The following RCC2 variants were observed in gnomAD, a reference collection of about 807,000 sequenced individuals.
The protein encoded by RCC2 is protein RCC2.
Under a neutral mutation model 64.1 loss-of-function variants are expected in RCC2, and 19 were observed. The ratio of observed to expected loss-of-function variants is 0.30; its 90% CI spans 0.21 to 0.44. The LOEUF (loss-of-function observed/expected upper bound fraction) is 0.44, where lower values mean the gene tolerates loss of function less well. Among genes scored for constraint, RCC2 ranks in the 20% least tolerant of loss-of-function variants. RCC2 has a pLI of 1.00. For missense variants in RCC2, 508 were observed against 710.4 expected (o/e 0.72, Z 3.24); for synonymous variants, 325 against 279.6 (o/e 1.16, Z -1.62).
At position 17,431,357 on chromosome 1, in the gene RCC2, A is replaced by AT. The variant is rs1217494718; in HGVS notation, c.286-2159_286-2158insA. The stretch of plus-strand genomic sequence containing the variant: ...TCAAAAAAAAAAAAAAAAAAAAAAA[A>AT]AAATATATATATATATATATATATG... On this transcript the variant is annotated intron_variant, in intron 2 of 12. Coordinates refer to ENST00000375436, the MANE Select transcript of RCC2 (RefSeq NM_018715.4). 6.2e-3 allele frequency among the ~76,000 whole-genome samples: 251 copies of AT among 40,442 alleles called. 25 individuals are homozygous for AT. Among genetic ancestry groups the AT allele is most frequent in the African/African-American group, 0.025 (215 of 8,592 alleles). 26.5% of individuals were successfully genotyped at this position (40,442 alleles called of 152,430 possible). A position where few individuals can be genotyped will look rare whatever the true frequency, so the allele number is the denominator to read the frequency against.
chr1:17,436,117 G>A (rs2075733144), intron 2 of RCC2, among the ~76,000 whole-genome samples: 1 of 152,098 alleles, frequency 6.6e-6, no homozygotes, highest in Non-Finnish European at 1.5e-5. Context: ...TTAGAGTCCT[G>A]CTTATACACA....
In RCC2 at chr1:17,438,330, G is replaced by C; in HGVS notation, c.185C>G (p.Ala62Gly). ...CGCCGCGCGCTTGCCCCCGCCGGGGGCCCCGTCGAGCTCCAGGCCGTCCTC... is the reference window on the plus strand; with the variant it reads ...CGCCGCGCGCTTGCCCCCGCCGGGGCCCCCGTCGAGCTCCAGGCCGTCCTC... ...GDEDGLELDG[A>G]PGGGKRAARP... is the part of the protein sequence containing the mutation. The change falls in exon 2 of 13, where the codon GCC (alanine) becomes GGC (glycine). Residue 62 changes from alanine (A) to glycine (G), a missense_variant. Around this residue, in one of 4 missense-constraint regions of RCC2, gnomAD observed 195 missense variants for 158.3 expected, o/e 1.23. Coordinates refer to ENST00000375436, the MANE Select transcript of RCC2 (RefSeq NM_018715.4). The C allele has an allele frequency of 8.0e-7, 1 of 1,246,382 alleles. No homozygotes were observed. 77.2% of individuals were successfully genotyped at this position (1,246,382 alleles called of 1,614,324 possible).
At chr1:17,426,953 G>A (rs760085553) in intron 3 of RCC2, among the ~76,000 whole-genome samples, 6 of 151,796 alleles carry the variant, frequency 4.0e-5, no homozygotes, top group Middle Eastern at 3.2e-3. Flanking sequence ...AGTAGAGAGG[G>A]TTTCACCATA....
chr1:17,425,329 G>A (rs765080971), intron 4 of RCC2, among the ~76,000 whole-genome samples: 2 of 152,104 alleles, frequency 1.3e-5, no homozygotes, highest in African/African-American at 2.4e-5. Flanking sequence ...TAGGGGCTGC[G>A]TATGGGCAAA....
At chr1:17,417,762 G>A (rs893240889) in intron 7 of RCC2, among the ~76,000 whole-genome samples, 5 of 151,918 alleles carry the variant, frequency 3.3e-5, no homozygotes, top group Non-Finnish European at 5.9e-5. Context: ...CCCTCCATAC[G>A]GCACGCTGGT....
chr1:17,422,250 G>A lies in RCC2; in HGVS notation c.697C>T (p.Gln233Ter). Residue 233 changes from glutamine (Q) to a stop codon, truncating the protein, a stop_gained, in exon 6 of 13, where the codon CAG (glutamine) becomes TAG (stop). Coordinates refer to ENST00000375436, the MANE Select transcript of RCC2 (RefSeq NM_018715.4). LOFTEE classifies it high-confidence loss of function. ...TCTGTCTGGTTGCCAAGGCCCAGCT[G>A]CCCCATCTTGTTTTCCCCAAACGCA... ...VFAFGENKMGQLGLGNQTDAV... is the reference protein window; with the variant it reads ...VFAFGENKMG The A allele has an allele frequency of 6.2e-7, 1 of 1,612,202 alleles. No homozygotes were observed. The highest frequency in any genetic ancestry group is 8.5e-7 in the Non-Finnish European group (1 of 1,179,894).
chr1:17,410,185 G>A (rs1186314647), intron 11 of RCC2, 134 bp from the exon 12 acceptor site: 32 of 743,122 alleles, frequency 4.3e-5, no homozygotes, highest in East Asian at 2.8e-4. Context: ...TGACAAGCCC[G>A]GCCACCCTTG....
intron 7 of RCC2, among the ~76,000 whole-genome samples, chr1:17,417,390 G>A (rs550085188): frequency 6.6e-6 from 1 of 152,342 alleles, no homozygotes; most frequent in African/African-American, 2.4e-5. Context: ...CAGTTTGGTT[G>A]GGCACGGTGG....
intron 2 of RCC2, 134 bp downstream of exon 2, chr1:17,438,096 C>T: frequency 7.3e-6 from 4 of 549,848 alleles, no homozygotes; most frequent in South Asian, 8.2e-5. Flanking sequence ...ATTCAGCCCG[C>T]GGCCTGCGCC....
intron 5 of RCC2, 80 bp downstream of exon 5, chr1:17,422,625 C>A: frequency 6.5e-7 from 1 of 1,548,822 alleles, no homozygotes; most frequent in Non-Finnish European, 8.8e-7. Context: ...GGGAACTCCA[C>A]CACCCCACGC....
intron 2 of RCC2, 60 bp from the exon 3 acceptor site, chr1:17,429,259 G>A (rs2075649536): frequency 7.4e-7 from 1 of 1,358,892 alleles, no homozygotes; most frequent in East Asian, 2.3e-5. Flanking sequence ...AGCTTTCCAA[G>A]GCTGTCCAAT....
chr1:17,410,117 A>G lies in RCC2; in HGVS notation c.1387-66T>C, dbSNP rs908656932. The G allele has an allele frequency of 2.1e-6, 3 of 1,426,496 alleles. No homozygotes were observed. In the African/African-American group the frequency reaches 4.2e-5, roughly 20 times the overall value. The allele number at this position is 1,426,496 out of a possible 1,614,324, so 88.4% of individuals were successfully genotyped here. ...TGGCTCAGTCCACAAGTGGGGAATC[A>G]CGGCAACATTTCCTGGCCCCCACTA... On this transcript the variant is annotated intron_variant, in intron 11 of 12. Transcript: ENST00000375436.
intron 2 of RCC2, among the ~76,000 whole-genome samples, chr1:17,436,978 G>C (rs1017564112): frequency 6.6e-6 from 1 of 152,116 alleles, no homozygotes; most frequent in Non-Finnish European, 1.5e-5. Flanking sequence ...AGCTTTTGAC[G>C]GGCTCTCCTC....
At chr1:17,428,751 A>G (rs1263564774) in intron 3 of RCC2, among the ~76,000 whole-genome samples, 1 of 152,248 alleles carries the variant, frequency 6.6e-6, no homozygotes, top group Non-Finnish European at 1.5e-5. Context: ...GACATTTGAC[A>G]AATGTCTAGG....
intron 4 of RCC2, among the ~76,000 whole-genome samples, chr1:17,423,333 T>C (rs1405214325): frequency 1.3e-5 from 2 of 152,212 alleles, no homozygotes; most frequent in Admixed American, 6.5e-5. Context: ...CTCTTCCTTT[T>C]TCTACCCTGT....
At position 17,413,525 on chromosome 1, in the gene RCC2, G is replaced by A; in HGVS notation, c.1207+12C>T. 6.2e-7 allele frequency: 1 copy of A among 1,613,784 alleles called. No homozygotes were observed. The highest frequency in any genetic ancestry group is 8.5e-7 in the Non-Finnish European group (1 of 1,179,728). ...CAGAGCACTGATAAGCCAGGGGGCA[G>A]AAATCACTAACCCACTTCACTGACA... On this transcript the variant is annotated intron_variant, in intron 9 of 12. Transcript: ENST00000375436.
At chr1:17,415,701 C>T (rs1278608910) in intron 8 of RCC2, among the ~76,000 whole-genome samples, 4 of 150,526 alleles carry the variant, frequency 2.7e-5, no homozygotes, top group African/African-American at 9.8e-5. Flanking sequence ...AAAAGTGAAA[C>T]TCCGCCTCAA....
At chr1:17,411,109 A>C (rs1196783268) in intron 11 of RCC2, among the ~76,000 whole-genome samples, 6 of 152,088 alleles carry the variant, frequency 3.9e-5, no homozygotes, top group African/African-American at 9.7e-5. Flanking sequence ...CATCAACCAC[A>C]AGAGTACCTT....
At chr1:17,428,967 G>A (rs887490572) in intron 3 of RCC2, 139 bp downstream of exon 3, 21 of 688,766 alleles carry the variant, frequency 3.0e-5, no homozygotes, top group Non-Finnish European at 5.0e-5. Context: ...TCACTACAGT[G>A]GCTGTGTGGC....
Sources: gnomAD v4.1 joint callset for allele counts (sites outside exome capture counted in the v4.1 genomes callset) on GRCh38, gnomAD v4.1.1 for gene constraint, gnomAD v4.1.1 regional missense constraint, MANE v1.5 for transcripts, NCBI Gene and HGNC (gene_info 2026-07-23, HGNC 2026-07-21) for gene names.